Variants in TCF3 observed in about 807,000 individuals in gnomAD.
The protein encoded by TCF3 is transcription factor E2-alpha.
TCF3 carries 54 observed loss-of-function variants against 72.3 expected under a neutral mutation model. The observed-to-expected ratio is 0.75, with a 90% CI of 0.60 to 0.94. TCF3 has a LOEUF of 0.94. Ranked by LOEUF, TCF3 falls within the 40% of genes least tolerant of loss-of-function variation. The probability of loss-of-function intolerance (pLI) is 0.00; values close to 1 mark genes in which losing one functional copy is unlikely to be tolerated. For missense variants in TCF3, 1,078 were observed against 934.4 expected (o/e 1.15, Z -2.00); for synonymous variants, 525 against 412.6 (o/e 1.27, Z -3.30).
intron 3 of TCF3, among the ~76,000 whole-genome samples, chr19:1,640,874 C>T (rs2065138208): frequency 6.8e-6 from 1 of 147,358 alleles, no homozygotes. Context: ...GGCGGCCAGG[C>T]GCGGTGGTTC....
chr19:1,634,360 C>A (rs909076594), intron 3 of TCF3, among the ~76,000 whole-genome samples: 1 of 152,200 alleles, frequency 6.6e-6, no homozygotes, highest in African/African-American at 2.4e-5. Context: ...GGTGAAGCAC[C>A]GCAGAGTTTT....
chr19:1,620,681 T>C (rs768953347), intron 13 of TCF3, among the ~76,000 whole-genome samples: 1 of 152,148 alleles, frequency 6.6e-6, no homozygotes, highest in African/African-American at 2.4e-5. Flanking sequence ...TTATGTGCTA[T>C]AGCCTTGGAG....
intron 7 of TCF3, among the ~76,000 whole-genome samples, chr19:1,624,736 G>A (rs557215632): frequency 1.2e-4 from 18 of 152,244 alleles, no homozygotes; most frequent in Admixed American, 1.1e-3. Context: ...TGGCCCAGGC[G>A]CATGTGCCCA....
chr19:1,648,211 A>C (rs1359053232), intron 2 of TCF3, among the ~76,000 whole-genome samples: 2 of 152,200 alleles, frequency 1.3e-5, no homozygotes, highest in South Asian at 2.1e-4. Flanking sequence ...CAGGGAAGTA[A>C]GTGCTTCCCC....
At chr19:1,632,525 A>C (rs1238375857) in intron 3 of TCF3, 120 bp from the exon 4 acceptor site, 1 of 1,046,702 alleles carries the variant, frequency 9.6e-7, no homozygotes, top group Non-Finnish European at 1.4e-6. Context: ...AACCCTTCCT[A>C]ACCCAGCCTC....
Position 1,614,508 on chromosome 19 carries a change from G to C in TCF3, c.1822+777C>G, listed in dbSNP as rs1599458456. Among the ~76,000 whole-genome samples the C allele has an allele frequency of 1.3e-5, 2 of 152,298 alleles. No homozygotes were observed. Among genetic ancestry groups the C allele is most frequent in the African/African-American group, 2.4e-5 (1 of 41,584 alleles). On this transcript the variant is annotated intron_variant, in intron 18 of 18. Transcript: ENST00000262965. This position sits in a 1 kb window ranked among gnomAD's most constrained non-coding sequence, Gnocchi z 5.6. ...GGCAGACAGCAGAGAGGCGGGCTTG[G>C]GGGGCGCGAGGCGTGCCACACACGG...
chr19:1,636,666 C>T (rs903210835), intron 3 of TCF3, among the ~76,000 whole-genome samples: 3 of 152,066 alleles, frequency 2.0e-5, no homozygotes, highest in Non-Finnish European at 2.9e-5. Context: ...GCACTGCAGC[C>T]GCCCTGGGTT....
intron 3 of TCF3, among the ~76,000 whole-genome samples, chr19:1,639,592 C>T (rs1041121704): frequency 1.3e-5 from 2 of 151,954 alleles, no homozygotes; most frequent in African/African-American, 4.8e-5. Context: ...AAAAATAATC[C>T]ATGTTTCAGC....
Position 1,610,329 on chromosome 19 carries a change from C to T in TCF3, c.*1378G>A, listed in dbSNP as rs1473549497. On this transcript the variant is annotated 3_prime_UTR_variant, in exon 19 of 19. Transcript: ENST00000262965. Reference sequence around the variant, plus strand: ...GGAGGGCAGCAGGTGTGGCCCCAGGCCCAGGGATGCTCCCCAGCATTGGGG... The same window carrying T: ...GGAGGGCAGCAGGTGTGGCCCCAGGTCCAGGGATGCTCCCCAGCATTGGGG... The T allele has an allele frequency of 4.3e-6, 1 of 231,884 alleles. No individual in the cohort carries two copies. Among genetic ancestry groups the T allele is most frequent in the Non-Finnish European group, 8.5e-6 (1 of 117,372 alleles). 14.4% of individuals were successfully genotyped at this position (231,884 alleles called of 1,614,324 possible).
intron 2 of TCF3, among the ~76,000 whole-genome samples, chr19:1,647,531 G>C (rs1004992873): frequency 6.6e-6 from 1 of 152,192 alleles, no homozygotes; most frequent in African/African-American, 2.4e-5. Flanking sequence ...TTCTCACCTG[G>C]CCCTGGAGAG....
chr19:1,642,129 TACACACAC>T lies in TCF3; in HGVS notation c.145+4218_145+4225del, dbSNP rs10531649. On this transcript the variant is annotated intron_variant, in intron 3 of 18. Transcript: ENST00000262965. ...TGCATGTCTCAAAACTGCACAGAAC[TACACACAC>T]ACACACACACACACACACACACACA... Among the ~76,000 whole-genome samples, 3,627 of 147,326 alleles carry T rather than the reference TACACACAC, an allele frequency of 0.025. 280 individuals are homozygous for T. In the East Asian group the frequency reaches 0.29, roughly 12 times the overall value.
chr19:1,641,509 G>T (rs913365496), intron 3 of TCF3, among the ~76,000 whole-genome samples: 3 of 152,172 alleles, frequency 2.0e-5, no homozygotes, highest in African/African-American at 7.2e-5. Context: ...CCAGAGTGCA[G>T]TGGCGCAATC....
chr19:1,627,026 G>A (rs556479143), intron 6 of TCF3, among the ~76,000 whole-genome samples: 2 of 152,282 alleles, frequency 1.3e-5, no homozygotes, highest in East Asian at 3.9e-4. Context: ...GGCTGCACAG[G>A]GGCCTGTTGT....
Position 1,615,186 on chromosome 19 carries a change from G to C in TCF3, c.1822+99C>G, listed in dbSNP as rs566592036. On this transcript the variant is annotated intron_variant, in intron 18 of 18. Coordinates refer to ENST00000262965, the MANE Select transcript of TCF3 (RefSeq NM_003200.5). The surrounding 1 kb of genome is among the most constrained non-coding windows in gnomAD (Gnocchi z 7.3). ...CAAGGAGGCAACTGCTGCAGAGGGA[G>C]GGCTGGCTCCAGGAAGGCGGGCGGG... 1.3e-4 allele frequency: 188 copies of C among 1,412,492 alleles called. 4 individuals carry two copies. The South Asian group carries it at 2.4e-3, about 18-fold the overall frequency. The allele number at this position is 1,412,492 out of a possible 1,614,324, so 87.5% of individuals were successfully genotyped here.
At chr19:1,624,696 C>G (rs887096381) in intron 7 of TCF3, among the ~76,000 whole-genome samples, 2 of 152,222 alleles carry the variant, frequency 1.3e-5, no homozygotes, top group Admixed American at 6.5e-5. Context: ...TGATCACTCA[C>G]GGACGTGCGC....
At chr19:1,621,779 G>C in intron 11 of TCF3, 59 bp downstream of exon 11, 4 of 1,497,434 alleles carry the variant, frequency 2.7e-6, no homozygotes. Context: ...CCCCCACCCA[G>C]ACCCTGCCTG....
chr19:1,619,704 G>A, intron 14 of TCF3, 76 bp downstream of exon 14: 13 of 1,181,450 alleles, frequency 1.1e-5, no homozygotes, highest in Middle Eastern at 3.1e-4. Flanking sequence ...TAACAAAAAG[G>A]TTTCTCCTTC....
intron 13 of TCF3, among the ~76,000 whole-genome samples, chr19:1,620,139 G>C (rs1025942973): frequency 2.6e-5 from 4 of 152,130 alleles, no homozygotes; most frequent in Non-Finnish European, 5.9e-5. Flanking sequence ...GCACACAGTA[G>C]GGGGCTCCTC....
At chr19:1,624,687 G>C (rs920155456) in intron 7 of TCF3, among the ~76,000 whole-genome samples, 16 of 152,312 alleles carry the variant, frequency 1.1e-4, no homozygotes, top group African/African-American at 3.1e-4. Context: ...GCGCCTTCCT[G>C]ATCACTCACG....
Sources: allele counts gnomAD v4.1 joint callset (sites outside exome capture counted in the v4.1 genomes callset), GRCh38; gene constraint gnomAD v4.1.1; non-coding constraint Gnocchi (gnomAD v3.1); transcripts MANE v1.5; gene names NCBI Gene and HGNC (gene_info 2026-07-23, HGNC 2026-07-21).